Variants in CCDC177 observed in about 807,000 individuals in gnomAD.
CCDC177 encodes the protein coiled-coil domain containing 177.
CCDC177 carries 2 observed loss-of-function variants against 7.3 expected under a neutral mutation model. That is an observed-to-expected ratio of 0.28 (90% confidence interval 0.11 to 0.87). The LOEUF is 0.87. CCDC177 is among the 40% of genes least tolerant of loss of function. The probability of loss-of-function intolerance (pLI) is 0.61; values close to 1 mark genes in which losing one functional copy is unlikely to be tolerated. For missense variants in CCDC177, 874 were observed against 970.5 expected, an observed-to-expected ratio of 0.90 and a Z score of 1.32; for synonymous variants, 401 against 449.2, an observed-to-expected ratio of 0.89 and a Z score of 1.36.
Position 69,572,085 on chromosome 14 carries a change from T to TCGTGGCG in CCDC177, c.1531_1537dup (p.Glu513AlafsTer170). 2 of 1,230,578 alleles carry TCGTGGCG rather than the reference T, an allele frequency of 1.6e-6. No homozygotes were observed. Among genetic ancestry groups the TCGTGGCG allele is most frequent in the Non-Finnish European group, 2.0e-6 (2 of 987,218 alleles). 76.2% of individuals were successfully genotyped at this position (1,230,578 alleles called of 1,614,324 possible). On this transcript the variant is annotated frameshift_variant, in exon 2 of 2. Transcript: ENST00000599174. LOFTEE classifies it low-confidence loss of function (END_TRUNC). Reference sequence around the variant, plus strand: ...CCGGGTCCGACCCTGTAGCAGCGCCTCGTGGCGCGCCCGCTCGGCCCGGCT... The same window carrying TCGTGGCG: ...CCGGGTCCGACCCTGTAGCAGCGCCTCGTGGCGCGTGGCGCGCCCGCTCGGCCCGGCT...
Position 69,571,340 on chromosome 14 carries a change from G to A in CCDC177, c.*159C>T. The A allele has an allele frequency of 1.8e-6, 1 of 561,428 alleles. No individual in the cohort carries two copies. Among genetic ancestry groups the A allele is most frequent in the Non-Finnish European group, 3.0e-6 (1 of 327,900 alleles). The allele number at this position is 561,428 out of a possible 1,614,324, so 34.8% of individuals were successfully genotyped here. ...TAAGTTTTAAAAACAAAGGGGGCCA[G>A]CTGACAGGTCCCAAACGTCTGTACT... On this transcript the variant is annotated 3_prime_UTR_variant, in exon 2 of 2. Coordinates refer to ENST00000599174, the MANE Select transcript of CCDC177 (RefSeq NM_001271507.2).
Position 69,572,403 on chromosome 14 carries a change from C to T in CCDC177, c.1220G>A (p.Gly407Asp). ...CCGCGCCGCCTCGCGCTCTTCGCGG[C>T]CACGGCGGCCTCGCCGCTCCTCCAC... is the stretch of plus-strand genomic sequence containing the variant. ...AQVEERRGRR[G>D]REEREAARRR... The change falls in exon 2 of 2, where the codon GGC becomes GAC. Residue 407 changes from glycine (G) to aspartate (D), a missense_variant. Transcript: ENST00000599174. 2 of 1,223,902 alleles carry T rather than the reference C, an allele frequency of 1.6e-6. No homozygotes were observed. Among genetic ancestry groups the T allele is most frequent in the Non-Finnish European group, 2.0e-6 (2 of 983,108 alleles). 75.8% of individuals were successfully genotyped at this position (1,223,902 alleles called of 1,614,324 possible).
At chr14:69,574,122 C>T (rs1006263148) in intron 1 of CCDC177, among the ~76,000 whole-genome samples, 3 of 152,192 alleles carry the variant, frequency 2.0e-5, no homozygotes, top group African/African-American at 7.2e-5. Context: ...CCCCATTTGC[C>T]TAAGGGAAGA....
In CCDC177 at chr14:69,573,555, G is replaced by A; in HGVS notation, c.68C>T (p.Ala23Val). ...AEPGDSGGDE[A>V]VASVPPDSQG... ...GGAATCAGGGGGCACGGACGCCACGGCCTCGTCCCCTCCAGAGTCGCCGGG... is the reference window on the plus strand; with the variant it reads ...GGAATCAGGGGGCACGGACGCCACGACCTCGTCCCCTCCAGAGTCGCCGGG... Residue 23 changes from alanine to valine, a missense_variant, in exon 2 of 2, where the codon GCC becomes GTC. Coordinates refer to ENST00000599174, the MANE Select transcript of CCDC177 (RefSeq NM_001271507.2). 8.1e-7 allele frequency: 1 copy of A among 1,231,826 alleles called. No homozygotes were observed. The highest frequency in any genetic ancestry group is 1.0e-6 in the Non-Finnish European group (1 of 988,002). 76.3% of individuals were successfully genotyped at this position (1,231,826 alleles called of 1,614,324 possible). A position where few individuals can be genotyped will look rare whatever the true frequency, so the allele number is the denominator to read the frequency against.
chr14:69,571,803 A>G lies in CCDC177; in HGVS notation c.1820T>C (p.Val607Ala). Residue 607 changes from valine (V) to alanine (A), a missense_variant, in exon 2 of 2, where the codon GTG becomes GCG. By Grantham distance (64) the Val-to-Ala change is moderately conservative. Transcript: ENST00000599174. ...GCCCACGCGCCGCGCCTTCTGCTGCACTGCTTCCTCGGCCACCTGCGTCGC... is the reference window on the plus strand; with the variant it reads ...GCCCACGCGCCGCGCCTTCTGCTGCGCTGCTTCCTCGGCCACCTGCGTCGC... ...QHATQVAEEAVQQKARRVGQS... is the reference protein window; with the variant it reads ...QHATQVAEEAAQQKARRVGQS... The G allele has an allele frequency of 8.1e-7, 1 of 1,231,550 alleles. No homozygotes were observed. The allele number at this position is 1,231,550 out of a possible 1,614,324, so 76.3% of individuals were successfully genotyped here.
Position 69,573,018 on chromosome 14 carries a change from G to C in CCDC177, c.605C>G (p.Pro202Arg), listed in dbSNP as rs1884365977. ...SSASLPASPAPRAARKASPSP... is the reference protein window; with the variant it reads ...SSASLPASPARRAARKASPSP... ...AGGGGAAGCCTTGCGGGCCGCACGC[G>C]GCGCGGGCGAGGCCGGGAGGCTGGC... The change falls in exon 2 of 2, where the codon CCG (proline) becomes CGG (arginine). Residue 202 changes from proline to arginine, a missense_variant. Pro to Arg is a moderately radical substitution (Grantham distance 103). Coordinates refer to ENST00000599174, the MANE Select transcript of CCDC177 (RefSeq NM_001271507.2). 1 of 1,229,912 alleles carries C rather than the reference G, an allele frequency of 8.1e-7. No homozygotes were observed. Among genetic ancestry groups the C allele is most frequent in the Non-Finnish European group, 1.0e-6 (1 of 987,078 alleles). 76.2% of individuals were successfully genotyped at this position (1,229,912 alleles called of 1,614,324 possible). A position where few individuals can be genotyped will look rare whatever the true frequency, so the allele number is the denominator to read the frequency against.
At position 69,572,151 on chromosome 14, in the gene CCDC177, T is replaced by A. The variant is rs978936713; in HGVS notation, c.1472A>T (p.Gln491Leu). The change falls in exon 2 of 2, where the codon CAG becomes CTG. Residue 491 changes from glutamine (Q) to leucine (L), a missense_variant. Coordinates refer to ENST00000599174, the MANE Select transcript of CCDC177 (RefSeq NM_001271507.2). Reference protein sequence around the residue: ...ERAQRAARAKQRQEGQLQREK... With the variant: ...ERAQRAARAKLRQEGQLQREK... ...CCGCTGCAGCTGGCCCTCCTGCCGC[T>A]GCTTGGCGCGGGCCGCGCGCTGGGC... The A allele has an allele frequency of 2.4e-5, 29 of 1,230,614 alleles. No individual in the cohort carries two copies. The highest frequency in any genetic ancestry group is 2.9e-5 in the Non-Finnish European group (29 of 987,448). The allele number at this position is 1,230,614 out of a possible 1,614,324, so 76.2% of individuals were successfully genotyped here.
In CCDC177 at chr14:69,571,981, A is replaced by G; in HGVS notation, c.1642T>C (p.Leu548=). ...LGRAQENYEH[L]VEQRTRELRE... Reference sequence around the variant, plus strand: ...AGCTCCCGGGTGCGCTGCTCCACCAAATGCTCGTAGTTCTCCTGCGCACGG... The same window carrying G: ...AGCTCCCGGGTGCGCTGCTCCACCAGATGCTCGTAGTTCTCCTGCGCACGG... The change falls in exon 2 of 2, where the codon TTG becomes CTG. Residue 548 remains leucine (L), a synonymous_variant. Coordinates refer to ENST00000599174, the MANE Select transcript of CCDC177 (RefSeq NM_001271507.2). The G allele has an allele frequency of 8.1e-7, 1 of 1,230,198 alleles. No homozygotes were observed. Among genetic ancestry groups the G allele is most frequent in the East Asian group, 3.2e-5 (1 of 31,490 alleles). The allele number at this position is 1,230,198 out of a possible 1,614,324, so 76.2% of individuals were successfully genotyped here.
In CCDC177 at chr14:69,572,961, G is replaced by T. The variant is rs1244580775; in HGVS notation, c.662C>A (p.Pro221Gln). ...CTTCCTGCCTGTTCGAGAACCCGCT[G>T]GCGGAGGTTGGGTCCGGGCGGAGGA... ...SPSSARTQPP[P>Q]AGSRTGRKSH... Residue 221 changes from proline to glutamine, a missense_variant, in exon 2 of 2, where the codon CCA (proline) becomes CAA (glutamine). Pro to Gln is a moderately conservative substitution (Grantham distance 76). Coordinates refer to ENST00000599174, the MANE Select transcript of CCDC177 (RefSeq NM_001271507.2). 1 of 1,231,114 alleles carries T rather than the reference G, an allele frequency of 8.1e-7. No homozygotes were observed. The highest frequency in any genetic ancestry group is 1.0e-6 in the Non-Finnish European group (1 of 987,650). The allele number at this position is 1,231,114 out of a possible 1,614,324, so 76.3% of individuals were successfully genotyped here.
rs897774754 is a variant in CCDC177 at position 69,572,793 on chromosome 14, G to T, written c.830C>A (p.Ala277Glu). ...GTTGGTGGTGGAGGACGCCGACCCC[G>T]CTGGGCAGCTGTTCCTGGCCGAGGC... ...PRASARNSCP[A>E]GSASSTTNAP... The change falls in exon 2 of 2, where the codon GCG (alanine) becomes GAG (glutamate). Residue 277 changes from alanine to glutamate, a missense_variant. By Grantham distance (107) the Ala-to-Glu change is moderately radical (BLOSUM62 -1). Transcript: ENST00000599174. 1.5e-5 allele frequency: 19 copies of T among 1,230,910 alleles called. No homozygotes were observed. Among genetic ancestry groups the T allele is most frequent in the South Asian group, 4.1e-5 (1 of 24,310 alleles). The allele number at this position is 1,230,910 out of a possible 1,614,324, so 76.2% of individuals were successfully genotyped here. A position where few individuals can be genotyped will look rare whatever the true frequency, so the allele number is the denominator to read the frequency against.
rs755581768 is a variant in CCDC177, at chr14:69,571,011, C to A, written c.*488G>T. The A allele has an allele frequency of 2.2e-6, 1 of 461,432 alleles. No homozygotes were observed. The highest frequency in any genetic ancestry group is 1.5e-5 in the South Asian group (1 of 64,600). 28.6% of individuals were successfully genotyped at this position (461,432 alleles called of 1,614,324 possible). ...GAGCTGTGTTTCTCTGGGAGGCCTC[C>A]GCGATTTGTGCAGCTTGCCATATTT... On this transcript the variant is annotated 3_prime_UTR_variant, in exon 2 of 2. Transcript: ENST00000599174.
In CCDC177 at chr14:69,571,960, C is replaced by T. The variant is rs1168165271; in HGVS notation, c.1663G>A (p.Glu555Lys). 5 of 1,231,576 alleles carry T rather than the reference C, an allele frequency of 4.1e-6. No homozygotes were observed. In the Admixed American group the frequency reaches 1.3e-4, roughly 31 times the overall value. 76.3% of individuals were successfully genotyped at this position (1,231,576 alleles called of 1,614,324 possible). The change falls in exon 2 of 2, where the codon GAG (glutamate) becomes AAG (lysine). Residue 555 changes from glutamate to lysine, a missense_variant. Glu to Lys is a moderately conservative substitution (Grantham distance 56). Coordinates refer to ENST00000599174, the MANE Select transcript of CCDC177 (RefSeq NM_001271507.2). ...YEHLVEQRTR[E>K]LRERARREEL... ...TCTCGCCGGGCCCGCTCCCGCAGCT[C>T]CCGGGTGCGCTGCTCCACCAAATGC...
chr14:69,572,187 C>A lies in CCDC177; in HGVS notation c.1436G>T (p.Arg479Leu), dbSNP rs369508213. The A allele has an allele frequency of 8.1e-7, 1 of 1,229,490 alleles. No individual in the cohort carries two copies. Among genetic ancestry groups the A allele is most frequent in the Non-Finnish European group, 1.0e-6 (1 of 986,740 alleles). 76.2% of individuals were successfully genotyped at this position (1,229,490 alleles called of 1,614,324 possible). A position where few individuals can be genotyped will look rare whatever the true frequency, so the allele number is the denominator to read the frequency against. The change falls in exon 2 of 2, where the codon CGC becomes CTC. Residue 479 changes from arginine (R) to leucine (L), a missense_variant. By Grantham distance (102) the Arg-to-Leu change is moderately radical (BLOSUM62 -2). Coordinates refer to ENST00000599174, the MANE Select transcript of CCDC177 (RefSeq NM_001271507.2). ...QEGRERAEQI[R>L]RERAQRAARA... Reference sequence around the variant, plus strand: ...GGCCGCGCGCTGGGCGCGCTCCCTGCGGATCTGCTCAGCCCGCTCCCGCCC... The same window carrying A: ...GGCCGCGCGCTGGGCGCGCTCCCTGAGGATCTGCTCAGCCCGCTCCCGCCC...
At position 69,571,083 on chromosome 14, in the gene CCDC177, C is replaced by T. The variant is rs373867306; in HGVS notation, c.*416G>A. On this transcript the variant is annotated 3_prime_UTR_variant, in exon 2 of 2. Coordinates refer to ENST00000599174, the MANE Select transcript of CCDC177 (RefSeq NM_001271507.2). Reference sequence around the variant, plus strand: ...GGTGATGTTCCCTCAGCAGTAGCAACACTGTCTCAGACACCAATGTCGAAC... The same window carrying T: ...GGTGATGTTCCCTCAGCAGTAGCAATACTGTCTCAGACACCAATGTCGAAC... The T allele has an allele frequency of 1.1e-5, 5 of 474,138 alleles. No homozygotes were observed. The highest frequency in any genetic ancestry group is 9.8e-5 in the African/African-American group (5 of 50,930). The allele number at this position is 474,138 out of a possible 1,614,324, so 29.4% of individuals were successfully genotyped here. A position where few individuals can be genotyped will look rare whatever the true frequency, so the allele number is the denominator to read the frequency against.
At chr14:69,574,041 A>G (rs1040646576) in intron 1 of CCDC177, among the ~76,000 whole-genome samples, 2 of 152,232 alleles carry the variant, frequency 1.3e-5, no homozygotes, top group Non-Finnish European at 2.9e-5. Flanking sequence ...ATTTGTTTGT[A>G]GCTTAGGCGG....
chr14:69,571,679 C>T lies in CCDC177; in HGVS notation c.1944G>A (p.Gly648=), dbSNP rs1393871429. Residue 648 remains glycine, a synonymous_variant, in exon 2 of 2, where the codon GGG becomes GGA. Coordinates refer to ENST00000599174, the MANE Select transcript of CCDC177 (RefSeq NM_001271507.2). ...CRRRELLQAI[G]RKLERSEQLT... ...GCTGCTCGCTGCGCTCCAGCTTGCG[C>T]CCGATGGCCTGGAGTAGCTCTCGCC... 3 of 1,231,970 alleles carry T rather than the reference C, an allele frequency of 2.4e-6. No homozygotes were observed. The highest frequency in any genetic ancestry group is 6.3e-5 in the East Asian group (2 of 31,700). 76.3% of individuals were successfully genotyped at this position (1,231,970 alleles called of 1,614,324 possible). A position where few individuals can be genotyped will look rare whatever the true frequency, so the allele number is the denominator to read the frequency against.
chr14:69,572,008 C>T lies in CCDC177; in HGVS notation c.1615G>A (p.Gly539Ser). Residue 539 changes from glycine to serine, a missense_variant, in exon 2 of 2, where the codon GGC becomes AGC. By Grantham distance (56) the Gly-to-Ser change is moderately conservative. Coordinates refer to ENST00000599174, the MANE Select transcript of CCDC177 (RefSeq NM_001271507.2). The part of the protein sequence containing the change: ...GLRSSLEASL[G>S]RAQENYEHLV... ...TGCTCGTAGTTCTCCTGCGCACGGC[C>T]CAAACTGGCTTCCAGCGAGCTCCGC... 8.1e-7 allele frequency: 1 copy of T among 1,231,442 alleles called. No individual in the cohort carries two copies. The highest frequency in any genetic ancestry group is 1.0e-6 in the Non-Finnish European group (1 of 987,846). 76.3% of individuals were successfully genotyped at this position (1,231,442 alleles called of 1,614,324 possible).
chr14:69,572,341 G>A lies in CCDC177; in HGVS notation c.1282C>T (p.Arg428Trp), dbSNP rs890436124. Residue 428 changes from arginine to tryptophan, a missense_variant, in exon 2 of 2, where the codon CGG (arginine) becomes TGG (tryptophan). Physicochemically the swap from Arg to Trp is moderately radical, Grantham distance 101. Transcript: ENST00000599174. The part of the protein sequence containing the change: ...QRQYERSEER[R>W]RELAERQGLL... The stretch of plus-strand genomic sequence containing the variant: ...CCCTGGCGTTCGGCCAGCTCCCGCC[G>A]CCGCTCCTCGCTGCGCTCGTACTGC... 6 of 1,224,934 alleles carry A rather than the reference G, an allele frequency of 4.9e-6. No homozygotes were observed. The highest frequency in any genetic ancestry group is 8.6e-5 in the Admixed American group (2 of 23,376). 75.9% of individuals were successfully genotyped at this position (1,224,934 alleles called of 1,614,324 possible).
chr14:69,570,849 ACTGT>A lies in CCDC177; in HGVS notation c.*646_*649del, dbSNP rs1196720892. 1.5e-5 allele frequency: 7 copies of A among 457,530 alleles called. No individual in the cohort carries two copies. The highest frequency in any genetic ancestry group is 1.2e-4 in the Admixed American group (5 of 42,562). 28.3% of individuals were successfully genotyped at this position (457,530 alleles called of 1,614,324 possible). ...AAAAATTGAACATTATCTGCAGATG[ACTGT>A]CTAACTAGAAAACCCAAGGGACTAA... On this transcript the variant is annotated 3_prime_UTR_variant, in exon 2 of 2. Coordinates refer to ENST00000599174, the MANE Select transcript of CCDC177 (RefSeq NM_001271507.2).
Sources: allele counts gnomAD v4.1 joint callset (sites outside exome capture counted in the v4.1 genomes callset), GRCh38; gene constraint gnomAD v4.1.1; transcripts MANE v1.5; gene names NCBI Gene and HGNC (gene_info 2026-07-23, HGNC 2026-07-21).